Variants in DLG2 observed in about 807,000 individuals in gnomAD.
DLG2 encodes the protein discs large MAGUK scaffold protein 2.
Under a neutral mutation model 132.5 loss-of-function variants are expected in DLG2, and 45 were observed. The ratio of observed to expected loss-of-function variants is 0.34; its 90% CI spans 0.27 to 0.44. The LOEUF is 0.44. Among genes scored for constraint, DLG2 ranks in the 20% least tolerant of loss-of-function variants. DLG2 has a pLI of 1.00. For synonymous variants in DLG2, 424 were observed against 419.6 expected, an observed-to-expected ratio of 1.01 and a Z score of -0.13; for missense variants, 1,045 against 1,196.9, an observed-to-expected ratio of 0.87 and a Z score of 1.87.
intron 4 of DLG2, among the ~76,000 whole-genome samples, chr11:85,178,824 C>T (rs1019751830): frequency 6.6e-6 from 1 of 151,700 alleles, no homozygotes; most frequent in Non-Finnish European, 1.5e-5. Flanking sequence ...CACTAAAATG[C>T]TGAGATCTAA....
intron 9 of DLG2, among the ~76,000 whole-genome samples, chr11:84,158,223 C>T (rs779915792): frequency 1.3e-5 from 2 of 152,000 alleles, no homozygotes; most frequent in Non-Finnish European, 2.9e-5. Context: ...GCCACGACGT[C>T]CAGCTAAATT....
chr11:83,744,203 A>G (rs1316999817), intron 18 of DLG2, among the ~76,000 whole-genome samples: 1 of 152,206 alleles, frequency 6.6e-6, no homozygotes, highest in Non-Finnish European at 1.5e-5. Context: ...CTAGATTTCA[A>G]GTATTGCAGT....
At chr11:84,706,246 A>G (rs972133850) in intron 6 of DLG2, among the ~76,000 whole-genome samples, 1 of 151,868 alleles carries the variant, frequency 6.6e-6, no homozygotes, top group Admixed American at 6.6e-5. Flanking sequence ...TAAGTAGAAT[A>G]TTTATATGCA....
At chr11:84,894,545 C>T (rs1399002271) in intron 6 of DLG2, among the ~76,000 whole-genome samples, 1 of 152,096 alleles carries the variant, frequency 6.6e-6, no homozygotes, top group African/African-American at 2.4e-5. Flanking sequence ...TAAAGAAGGG[C>T]TTTCATTAAA....
intron 6 of DLG2, among the ~76,000 whole-genome samples, chr11:84,826,824 A>T (rs1258068287): frequency 6.6e-6 from 1 of 151,798 alleles, no homozygotes; most frequent in African/African-American, 2.4e-5. Context: ...CAATAACCAG[A>T]CTAACCTTCT....
intron 6 of DLG2, among the ~76,000 whole-genome samples, chr11:84,851,881 C>G (rs1374190878): frequency 6.6e-6 from 1 of 151,520 alleles, no homozygotes; most frequent in Non-Finnish European, 1.5e-5. Flanking sequence ...TAGTTATATA[C>G]AATTTTGTAT....
intron 6 of DLG2, among the ~76,000 whole-genome samples, chr11:84,671,943 G>T (rs2099706345): frequency 6.6e-6 from 1 of 152,150 alleles, no homozygotes; most frequent in African/African-American, 2.4e-5. Flanking sequence ...TGGAAGGCAA[G>T]CTTCAGAGGC....
At chr11:84,322,383 G>A (rs1181935381) in intron 7 of DLG2, among the ~76,000 whole-genome samples, 1 of 152,080 alleles carries the variant, frequency 6.6e-6, no homozygotes, top group Non-Finnish European at 1.5e-5. Flanking sequence ...ATTTTAGCAA[G>A]ATATTAATTC....
At chr11:85,348,958 T>A (rs2083073263) in intron 3 of DLG2, among the ~76,000 whole-genome samples, 1 of 152,184 alleles carries the variant, frequency 6.6e-6, no homozygotes, top group African/African-American at 2.4e-5. Context: ...ATTGAGTTGC[T>A]CATGTAAACC....
At chr11:85,314,018 G>T (rs979992593) in intron 3 of DLG2, among the ~76,000 whole-genome samples, 1 of 151,886 alleles carries the variant, frequency 6.6e-6, no homozygotes, top group Non-Finnish European at 1.5e-5. Context: ...TTTACAGAAA[G>T]CTTAAGCAAT....
intron 21 of DLG2, chr11:83,486,385 C>G: frequency 1.8e-6 from 1 of 560,192 alleles, no homozygotes. Context: ...CATGCAAATA[C>G]AAAACAATGC....
chr11:83,471,324 T>C (rs1481303390), intron 24 of DLG2, among the ~76,000 whole-genome samples: 1 of 152,156 alleles, frequency 6.6e-6, no homozygotes, highest in Non-Finnish European at 1.5e-5. Context: ...AACATACTGA[T>C]GCCTATCATA....
intron 7 of DLG2, chr11:84,272,142 C>T (rs752116869): frequency 1.4e-5 from 3 of 217,370 alleles, no homozygotes; most frequent in South Asian, 5.4e-5. Flanking sequence ...ATCAACTTAC[C>T]GTGATCCAAC....
At chr11:84,489,477 A>G (rs1371916948) in intron 7 of DLG2, among the ~76,000 whole-genome samples, 3 of 152,110 alleles carry the variant, frequency 2.0e-5, no homozygotes, top group Non-Finnish European at 4.4e-5. Context: ...TTAGGACTCA[A>G]AAATATCCTA....
intron 6 of DLG2, among the ~76,000 whole-genome samples, chr11:84,880,178 A>G (rs1463721996): frequency 4.6e-5 from 7 of 152,164 alleles, no homozygotes; most frequent in Non-Finnish European, 1.0e-4. Flanking sequence ...AGAAATCACC[A>G]TGAGGATGCA....
intron 3 of DLG2, among the ~76,000 whole-genome samples, chr11:85,359,216 T>C (rs902297809): frequency 6.6e-6 from 1 of 152,218 alleles, no homozygotes; most frequent in African/African-American, 2.4e-5. Context: ...AAGCTCAAGA[T>C]AGCTCAATGC....
At chr11:84,548,826 A>C (rs771791880) in intron 6 of DLG2, among the ~76,000 whole-genome samples, 1 of 152,176 alleles carries the variant, frequency 6.6e-6, no homozygotes, top group African/African-American at 2.4e-5. Flanking sequence ...ACCAACCTCA[A>C]ATAAGCCCAA....
chr11:83,686,148 T>A (rs904572453), intron 18 of DLG2, among the ~76,000 whole-genome samples: 1 of 152,110 alleles, frequency 6.6e-6, no homozygotes, highest in African/African-American at 2.4e-5. Flanking sequence ...CAGCCAGCCA[T>A]GTTTTTAAAA....
At chr11:84,815,501 G>C (rs1043051332) in intron 6 of DLG2, among the ~76,000 whole-genome samples, 5 of 152,008 alleles carry the variant, frequency 3.3e-5, no homozygotes, top group Non-Finnish European at 2.9e-5. Flanking sequence ...GTATATTGTA[G>C]ATGTTCCATA....
Sources: allele counts gnomAD v4.1 joint callset (sites outside exome capture counted in the v4.1 genomes callset), GRCh38; gene constraint gnomAD v4.1.1; transcripts MANE v1.5; gene names NCBI Gene and HGNC (gene_info 2026-07-23, HGNC 2026-07-21).